Variants in DGKZ observed in about 807,000 individuals in gnomAD.
DGKZ encodes diacylglycerol kinase zeta.
In DGKZ, 45 loss-of-function variants were observed where a neutral mutation model predicts 142.5. The ratio of observed to expected loss-of-function variants is 0.32; its 90% CI spans 0.25 to 0.40. DGKZ has a LOEUF of 0.40. Among genes scored for constraint, DGKZ ranks in the 10% least tolerant of loss-of-function variants. The pLI, the probability that DGKZ is intolerant of heterozygous loss-of-function variation, is 1.00. For missense variants in DGKZ, 755 were observed against 1,306.5 expected, an observed-to-expected ratio of 0.58 and a Z score of 6.51; for synonymous variants, 442 against 527.0, an observed-to-expected ratio of 0.84 and a Z score of 2.21.
In DGKZ at chr11:46,368,001, G is replaced by A. The variant is rs1188803940; in HGVS notation, c.367-1G>A. The A allele has an allele frequency of 1.2e-6, 2 of 1,613,986 alleles. No homozygotes were observed. Among genetic ancestry groups the A allele is most frequent in the South Asian group, 1.1e-5 (1 of 91,068 alleles). On this transcript the variant is annotated splice_acceptor_variant, in intron 3 of 30. Transcript: ENST00000527911. LOFTEE classifies it high-confidence loss of function. The stretch of plus-strand genomic sequence containing the variant: ...AGGGGCCCTCTCTTCCTGTCCTGCA[G>A]CAGAAGTCAGTGTCTCGAAGAAAGT...
intron 1 of DGKZ, among the ~76,000 whole-genome samples, chr11:46,342,308 G>A (rs770871170): frequency 4.6e-5 from 7 of 152,124 alleles, no homozygotes; most frequent in Non-Finnish European, 1.0e-4. Flanking sequence ...CATTGACAGC[G>A]CCAAGGAGTG....
At chr11:46,342,895 G>A (rs979763173), upstream of DGKZ, among the ~76,000 whole-genome samples, 2 of 152,132 alleles carry the variant, frequency 1.3e-5, no homozygotes, top group Admixed American at 6.5e-5. Flanking sequence ...AGGCCAAGGC[G>A]GGCAGATCAC....
chr11:46,335,140 C>T lies in DGKZ; in HGVS notation c.212+1653C>T, dbSNP rs961424024. Among the ~76,000 whole-genome samples the T allele has an allele frequency of 3.3e-5, 5 of 151,930 alleles. No homozygotes were observed. The South Asian group carries it at 8.3e-4, about 25-fold the overall frequency. On this transcript the variant is annotated intron_variant, in intron 1 of 30. Coordinates refer to the DGKZ transcript ENST00000343674. ...ACCAGCCTGGCCAACATGGTGAAACCCTGTCTCTACTAAATATACAAAAAT... is the reference window on the plus strand; with the variant it reads ...ACCAGCCTGGCCAACATGGTGAAACTCTGTCTCTACTAAATATACAAAAAT...
chr11:46,374,043 G>C, intron 14 of DGKZ, 114 bp from the exon 15 acceptor site: 1 of 1,170,982 alleles, frequency 8.5e-7, no homozygotes, highest in Non-Finnish European at 1.2e-6. Flanking sequence ...GGACGCTGCT[G>C]ACCAGGAAAA....
intron 1 of DGKZ, among the ~76,000 whole-genome samples, chr11:46,338,218 C>T (rs144589297): frequency 0.017 from 2,536 of 152,080 alleles, 49 homozygotes; most frequent in Admixed American, 0.058. Context: ...GCATTCTTGC[C>T]GGGCGTGGTG....
intron 1 of DGKZ, among the ~76,000 whole-genome samples, chr11:46,342,002 G>A (rs1940301570): frequency 6.6e-6 from 1 of 152,174 alleles, no homozygotes; most frequent in Non-Finnish European, 1.5e-5. Flanking sequence ...AGCAGAGGAT[G>A]TCCAGGTCGT....
intron 25 of DGKZ, 25 bp from the exon 26 acceptor site, chr11:46,378,173 C>A (rs757367701): frequency 3.1e-6 from 5 of 1,606,718 alleles, no homozygotes; most frequent in Non-Finnish European, 4.2e-6. Flanking sequence ...CGTAGCCGGT[C>A]ACAGCACATC....
At position 46,347,509 on chromosome 11, in the gene DGKZ, C is replaced by A; in HGVS notation, c.-151C>A. 2.0e-6 allele frequency: 2 copies of A among 982,146 alleles called. No homozygotes were observed. Among genetic ancestry groups the A allele is most frequent in the African/African-American group, 3.5e-5 (2 of 56,678 alleles). The allele number at this position is 982,146 out of a possible 1,614,324, so 60.8% of individuals were successfully genotyped here. A position where few individuals can be genotyped will look rare whatever the true frequency, so the allele number is the denominator to read the frequency against. Reference sequence around the variant, plus strand: ...GGCAGCGGCTTCCCGGGCACCTGGGCGTGGGGAGCGGGGGCGCGCGGCGCG... The same window carrying A: ...GGCAGCGGCTTCCCGGGCACCTGGGAGTGGGGAGCGGGGGCGCGCGGCGCG... On this transcript the variant is annotated 5_prime_UTR_variant, in exon 1 of 31. Transcript: ENST00000527911. This position sits in a 1 kb window ranked among gnomAD's most constrained non-coding sequence, Gnocchi z 6.4.
At chr11:46,335,144 T>C (rs1313209808) in intron 1 of DGKZ, among the ~76,000 whole-genome samples, 2 of 151,966 alleles carry the variant, frequency 1.3e-5, no homozygotes, top group African/African-American at 2.4e-5. Context: ...TGAAACCCTG[T>C]CTCTACTAAA....
chr11:46,366,475 G>A, intron 1 of DGKZ: 1 of 1,568,394 alleles, frequency 6.4e-7, no homozygotes, highest in Non-Finnish European at 8.6e-7. Flanking sequence ...CCAGCCGCCG[G>A]CGCTCCAGCA....
chr11:46,366,515 A>G (rs1943276547), intron 1 of DGKZ: 2 of 1,591,724 alleles, frequency 1.3e-6, no homozygotes, highest in Non-Finnish European at 1.7e-6. Flanking sequence ...CCCCCGCTTC[A>G]TCGTGGATAA....
At position 46,367,906 on chromosome 11, in the gene DGKZ, C is replaced by T. The variant is rs1849709141; in HGVS notation, c.367-96C>T. On this transcript the variant is annotated intron_variant, in intron 3 of 30. Coordinates refer to ENST00000527911, the Ensembl canonical transcript of DGKZ. This position sits in a 1 kb window ranked among gnomAD's most constrained non-coding sequence, Gnocchi z 4.1. ...CTTTGTCCGGATGCCAGGACTGGGG[C>T]TTCCCAGTGCACACAAAGGGCAGCT... is the stretch of plus-strand genomic sequence containing the variant. 1 of 1,519,510 alleles carries T rather than the reference C, an allele frequency of 6.6e-7. No homozygotes were observed. The highest frequency in any genetic ancestry group is 9.1e-7 in the Non-Finnish European group (1 of 1,095,474). 94.1% of individuals were successfully genotyped at this position (1,519,510 alleles called of 1,614,324 possible).
In DGKZ at chr11:46,374,673, G is replaced by A. The variant is rs752726363; in HGVS notation, c.1524+7G>A. ...CAAGCACATCCGAGTGGTGGTGAGC[G>A]GGGCCAGGCTGCCGTGGGTGGGTGG... is the stretch of plus-strand genomic sequence containing the variant. On this transcript the variant is annotated splice_region_variant and intron_variant, in intron 17 of 30. Coordinates refer to ENST00000527911, the Ensembl canonical transcript of DGKZ. 1.1e-5 allele frequency: 17 copies of A among 1,599,118 alleles called. No homozygotes were observed. The highest frequency in any genetic ancestry group is 3.4e-5 in the South Asian group (3 of 88,566).
At chr11:46,342,489 G>A (rs1426077479), upstream of DGKZ, among the ~76,000 whole-genome samples, 2 of 152,166 alleles carry the variant, frequency 1.3e-5, no homozygotes, top group Non-Finnish European at 2.9e-5. Context: ...TTAACTGCTC[G>A]AGCTACTTGC....
At chr11:46,359,543 CA>C (rs1942401686) in intron 1 of DGKZ, among the ~76,000 whole-genome samples, 1 of 152,118 alleles carries the variant, frequency 6.6e-6, no homozygotes, top group South Asian at 2.1e-4. Flanking sequence ...TTACAAAATT[CA>C]AAATGCAAGG....
intron 1 of DGKZ, chr11:46,366,236 C>T: frequency 6.4e-7 from 1 of 1,554,304 alleles, no homozygotes; most frequent in South Asian, 1.2e-5. Context: ...GGTCTCTGTG[C>T]CCAACAGCCA....
At chr11:46,379,414 AG>A in intron 29 of DGKZ, 54 bp from the exon 30 acceptor site, 1 of 1,590,270 alleles carries the variant, frequency 6.3e-7, no homozygotes, top group Non-Finnish European at 8.6e-7. Flanking sequence ...CTTGGGAGAC[AG>A]ATGGGTGGAT....
At chr11:46,341,809 C>T (rs758899712) in intron 1 of DGKZ, among the ~76,000 whole-genome samples, 9 of 151,958 alleles carry the variant, frequency 5.9e-5, no homozygotes, top group African/African-American at 1.2e-4. Flanking sequence ...GAAGGGAATG[C>T]GAAAAGGGGG....
At chr11:46,371,351 T>G (rs1200874294) in exon 7 of DGKZ, 2 of 1,613,764 alleles carry the variant, frequency 1.2e-6, no homozygotes, top group African/African-American at 1.3e-5. Flanking sequence ...GCAAGGAGAT[T>G]GTGGCCATCA....
Sources: gnomAD v4.1 joint callset for allele counts (sites outside exome capture counted in the v4.1 genomes callset) on GRCh38, gnomAD v4.1.1 for gene constraint, Gnocchi (gnomAD v3.1) non-coding constraint, MANE v1.5 for transcripts, NCBI Gene and HGNC (gene_info 2026-07-23, HGNC 2026-07-21) for gene names.